Variants in SUSD4 observed in about 807,000 individuals in gnomAD.
SUSD4 encodes the protein sushi domain-containing protein 4.
Under a neutral mutation model 50.5 loss-of-function variants are expected in SUSD4, and 41 were observed. That is an observed-to-expected ratio of 0.81 (90% CI 0.63 to 1.05). The LOEUF (loss-of-function observed/expected upper bound fraction) is 1.05, where lower values mean the gene tolerates loss of function less well. Among genes scored for constraint, SUSD4 ranks in the 50% least tolerant of loss-of-function variants. SUSD4 has a pLI of 0.00. For missense variants in SUSD4, 580 were observed against 634.7 expected (o/e 0.91, Z 0.93); for synonymous variants, 257 against 257.3 (o/e 1.00, Z 0.01).
chr1:223,253,618 C>T (rs1661488368), intron 5 of SUSD4, among the ~76,000 whole-genome samples: 1 of 152,082 alleles, frequency 6.6e-6, no homozygotes, highest in East Asian at 1.9e-4. Context: ...CCGAGTGACT[C>T]CCAGCCTGAA....
intron 5 of SUSD4, among the ~76,000 whole-genome samples, chr1:223,256,134 T>C (rs1469794277): frequency 2.0e-5 from 3 of 152,142 alleles, no homozygotes; most frequent in Admixed American, 1.3e-4. Context: ...GCAGATCACA[T>C]GGTATTGCCC....
chr1:223,356,188 A>G (rs1185287115), intron 2 of SUSD4, among the ~76,000 whole-genome samples: 4 of 150,962 alleles, frequency 2.6e-5, no homozygotes, highest in African/African-American at 9.8e-5. Context: ...TTGAGTGGAT[A>G]GTTTTCTTCT....
intron 2 of SUSD4, among the ~76,000 whole-genome samples, chr1:223,339,032 G>C (rs1272866486): frequency 6.6e-6 from 1 of 152,160 alleles, no homozygotes; most frequent in Non-Finnish European, 1.5e-5. Context: ...ACTCCAGGGA[G>C]AGTGTAGGAG....
chr1:223,222,026 G>T lies in SUSD4; in HGVS notation c.*166C>A. On this transcript the variant is annotated 3_prime_UTR_variant, in exon 9 of 9. Coordinates refer to ENST00000366878, the MANE Select transcript of SUSD4 (RefSeq NM_017982.4). ...CTCATTTAAAAGCACTGCCATTGCA[G>T]TTTGTCAGCCTCACTGTGGAGCCTG... is the stretch of plus-strand genomic sequence containing the variant. The T allele has an allele frequency of 1.5e-6, 1 of 661,582 alleles. No homozygotes were observed. Among genetic ancestry groups the T allele is most frequent in the Non-Finnish European group, 2.6e-6 (1 of 388,460 alleles). The allele number at this position is 661,582 out of a possible 1,614,324, so 41.0% of individuals were successfully genotyped here.
At chr1:223,364,421 T>C (rs1358992651), upstream of SUSD4, among the ~76,000 whole-genome samples, 1 of 146,606 alleles carries the variant, frequency 6.8e-6, no homozygotes, top group Non-Finnish European at 1.5e-5. The surrounding 1 kb of genome is among the most constrained non-coding windows in gnomAD (Gnocchi z 4.5). Flanking sequence ...CACGCGCCTC[T>C]GCCAACCCAG....
intron 5 of SUSD4, among the ~76,000 whole-genome samples, chr1:223,233,563 T>C (rs1422929402): frequency 1.3e-5 from 2 of 152,084 alleles, no homozygotes; most frequent in Admixed American, 1.3e-4. Flanking sequence ...GACAGACGGA[T>C]GGACACACTC....
intron 2 of SUSD4, among the ~76,000 whole-genome samples, chr1:223,321,283 G>C (rs531156244): frequency 6.6e-6 from 1 of 152,324 alleles, no homozygotes; most frequent in East Asian, 1.9e-4. Flanking sequence ...CAGATGCAGA[G>C]ACCTGCATGC....
At chr1:223,310,760 A>G (rs1159623112) in intron 2 of SUSD4, among the ~76,000 whole-genome samples, 1 of 152,258 alleles carries the variant, frequency 6.6e-6, no homozygotes, top group Non-Finnish European at 1.5e-5. Flanking sequence ...ATGAACTCTA[A>G]TGGCACAGAC....
intron 3 of SUSD4, among the ~76,000 whole-genome samples, chr1:223,271,788 T>C (rs1275343073): frequency 6.6e-6 from 1 of 152,188 alleles, no homozygotes; most frequent in Non-Finnish European, 1.5e-5. Flanking sequence ...GAGTTCTCTG[T>C]AGTAGTGAAA....
intron 3 of SUSD4, among the ~76,000 whole-genome samples, chr1:223,283,303 A>C (rs1239724041): frequency 7.2e-5 from 11 of 152,334 alleles, no homozygotes; most frequent in African/African-American, 2.6e-4. Flanking sequence ...CAACCTACAG[A>C]ATGGGAGAAA....
intron 2 of SUSD4, among the ~76,000 whole-genome samples, chr1:223,346,886 C>T (rs1209805858): frequency 6.6e-6 from 1 of 152,162 alleles, no homozygotes; most frequent in Admixed American, 6.5e-5. Flanking sequence ...CCTTCCCTGG[C>T]CATGAACCTA....
intron 5 of SUSD4, among the ~76,000 whole-genome samples, chr1:223,239,736 T>A (rs1179670777): frequency 6.6e-6 from 1 of 152,028 alleles, no homozygotes; most frequent in Non-Finnish European, 1.5e-5. Context: ...TGTGTGTGTG[T>A]AATATACCTA....
chr1:223,333,194 G>A (rs192420167), intron 2 of SUSD4, among the ~76,000 whole-genome samples: 79 of 152,250 alleles, frequency 5.2e-4, no homozygotes, highest in Admixed American at 4.4e-3. Context: ...CCTCCTTACT[G>A]AGAGGCAGTG....
intron 3 of SUSD4, among the ~76,000 whole-genome samples, chr1:223,288,130 T>C (rs1189398518): frequency 6.6e-6 from 1 of 152,200 alleles, no homozygotes; most frequent in African/African-American, 2.4e-5. Flanking sequence ...TCATCTAGAA[T>C]TGTAATCCCC....
At position 223,227,886 on chromosome 1, in the gene SUSD4, T is replaced by TGCCCCTGTA. The variant is rs1659626084; in HGVS notation, c.917-157_917-149dup. 2 of 1,016,022 alleles carry TGCCCCTGTA rather than the reference T, an allele frequency of 2.0e-6. No homozygotes were observed. The highest frequency in any genetic ancestry group is 5.1e-5 in the Admixed American group (2 of 38,900). 62.9% of individuals were successfully genotyped at this position (1,016,022 alleles called of 1,614,324 possible). On this transcript the variant is annotated intron_variant, in intron 6 of 8. Coordinates refer to ENST00000366878, the MANE Select transcript of SUSD4 (RefSeq NM_017982.4). This position sits in a 1 kb window ranked among gnomAD's most constrained non-coding sequence, Gnocchi z 4.5. ...CCCAGGGCTCGGCAGAGATACCATG[T>TGCCCCTGTA]GCCCCTGTAGCTCATGTAAATTGCA...
intron 2 of SUSD4, among the ~76,000 whole-genome samples, chr1:223,351,066 T>G (rs1668336526): frequency 6.6e-6 from 1 of 152,244 alleles, no homozygotes; most frequent in Non-Finnish European, 1.5e-5. Flanking sequence ...TATTTAATTC[T>G]CACAACAGTT....
chr1:223,351,735 C>T (rs1668378648), intron 2 of SUSD4, among the ~76,000 whole-genome samples: 1 of 152,114 alleles, frequency 6.6e-6, no homozygotes, highest in Admixed American at 6.5e-5. Context: ...ATGCATCATC[C>T]TGGGTGCATT....
intron 5 of SUSD4, among the ~76,000 whole-genome samples, chr1:223,236,862 G>C (rs1022219750): frequency 2.0e-4 from 31 of 151,922 alleles, no homozygotes; most frequent in African/African-American, 7.2e-4. Flanking sequence ...ATAAACTTTA[G>C]AATTAGTTTA....
At chr1:223,291,362 G>A (rs1448910506) in intron 3 of SUSD4, among the ~76,000 whole-genome samples, 7 of 151,838 alleles carry the variant, frequency 4.6e-5, no homozygotes, top group South Asian at 2.1e-4. Context: ...GCATGGTGGC[G>A]AACGCAGGTA....
Sources: gnomAD v4.1 joint callset for allele counts (sites outside exome capture counted in the v4.1 genomes callset) on GRCh38, gnomAD v4.1.1 for gene constraint, Gnocchi (gnomAD v3.1) non-coding constraint, MANE v1.5 for transcripts, NCBI Gene and HGNC (gene_info 2026-07-23, HGNC 2026-07-21) for gene names.